The following RYR2 variants were observed in gnomAD, a reference collection of about 807,000 sequenced individuals.
RYR2 encodes ryanodine receptor 2.
A neutral mutation model predicts 601.1 loss-of-function variants in RYR2; 227 were observed. That is an observed-to-expected ratio of 0.38 (90% CI 0.34 to 0.42). The LOEUF is 0.42. Ranked by LOEUF, RYR2 falls within the 10% of genes least tolerant of loss-of-function variation. The pLI is 1.00. For synonymous variants in RYR2, 2,223 were observed against 2,175.1 expected, an observed-to-expected ratio of 1.02 and a Z score of -0.61; for missense variants, 4,646 against 6,156.5, an observed-to-expected ratio of 0.75 and a Z score of 8.21.
rs547638924 is a variant in RYR2, at chr1:237,224,851, C to G, written c.49-45646C>G. The stretch of plus-strand genomic sequence containing the variant: ...CTCCAGTCTGGGTGACAGAGCAAGA[C>G]TTTGTCATTTACAAAAAAAATTATA... On this transcript the variant is annotated intron_variant, in intron 1 of 104. Coordinates refer to ENST00000366574, the MANE Select transcript of RYR2 (RefSeq NM_001035.3). Among the ~76,000 whole-genome samples, 8 of 152,182 alleles carry G rather than the reference C, an allele frequency of 5.3e-5. No homozygotes were observed. The South Asian group carries it at 1.7e-3, about 32-fold the overall frequency.
chr1:237,767,045 TTTAA>T (rs59444034), intron 84 of RYR2, among the ~76,000 whole-genome samples: 94,488 of 151,366 alleles, frequency 0.62, 29,859 homozygotes, highest in Non-Finnish European at 0.65. Flanking sequence ...TCAAAGCACT[TTTAA>T]TTGTTTGATC....
chr1:237,420,368 C>T (rs1041700579), intron 11 of RYR2, among the ~76,000 whole-genome samples: 2 of 152,158 alleles, frequency 1.3e-5, no homozygotes, highest in Non-Finnish European at 2.9e-5. Flanking sequence ...TAAAGAAGTA[C>T]TCACTATTCC....
intron 1 of RYR2, among the ~76,000 whole-genome samples, chr1:237,087,844 T>G (rs1227797966): frequency 6.6e-6 from 1 of 152,180 alleles, no homozygotes; most frequent in Non-Finnish European, 1.5e-5. Context: ...TTGTGTGATT[T>G]TCATCTCAGA....
chr1:237,626,565 T>A (rs1679676030), intron 40 of RYR2, among the ~76,000 whole-genome samples: 1 of 143,582 alleles, frequency 7.0e-6, no homozygotes, highest in African/African-American at 2.6e-5. Flanking sequence ...TTCTTTTCTT[T>A]TTCTTTTTCT....
chr1:237,497,757 A>C (rs989039640), intron 20 of RYR2, among the ~76,000 whole-genome samples: 1 of 152,218 alleles, frequency 6.6e-6, no homozygotes, highest in African/African-American at 2.4e-5. Context: ...AAAGCATTCC[A>C]TGTAGTTGTA....
chr1:237,272,562 T>C (rs1402522996), intron 2 of RYR2, among the ~76,000 whole-genome samples: 3 of 148,714 alleles, frequency 2.0e-5, no homozygotes, highest in East Asian at 1.9e-4. Flanking sequence ...GTATAATTTA[T>C]ATATATTAGT....
At chr1:237,220,186 G>A (rs950415859) in intron 1 of RYR2, among the ~76,000 whole-genome samples, 1 of 152,204 alleles carries the variant, frequency 6.6e-6, no homozygotes, top group African/African-American at 2.4e-5. Context: ...GACTCTCAAT[G>A]TGCATGGTGG....
chr1:237,639,596 G>A (rs1573276280), intron 46 of RYR2, among the ~76,000 whole-genome samples: 1 of 152,074 alleles, frequency 6.6e-6, no homozygotes, highest in African/African-American at 2.4e-5. Flanking sequence ...AATGAAAGGG[G>A]GACTTGACTA....
chr1:237,283,844 A>G (rs2149391191), intron 2 of RYR2, among the ~76,000 whole-genome samples: 2 of 152,236 alleles, frequency 1.3e-5, no homozygotes, highest in Middle Eastern at 6.8e-3. Flanking sequence ...TACAGGTGGT[A>G]TTTGGTTACA....
chr1:237,755,012 G>A (rs1014756999), intron 80 of RYR2: 31 of 1,096,598 alleles, frequency 2.8e-5, no homozygotes, highest in Middle Eastern at 2.3e-4. Context: ...CCACAGGAGC[G>A]CTAACTATAG....
intron 1 of RYR2, among the ~76,000 whole-genome samples, chr1:237,061,815 A>G (rs781642537): frequency 9.4e-5 from 14 of 148,926 alleles, no homozygotes; most frequent in Non-Finnish European, 1.9e-4. Context: ...TTTTTTTTGT[A>G]TCTTCTTTGC....
intron 27 of RYR2, among the ~76,000 whole-genome samples, chr1:237,565,734 A>G (rs2148243977): frequency 6.6e-6 from 1 of 152,184 alleles, no homozygotes; most frequent in East Asian, 1.9e-4. Flanking sequence ...CTTCTTTGAG[A>G]TATCAATTCA....
chr1:237,817,731 G>A (rs940835190), intron 100 of RYR2, among the ~76,000 whole-genome samples: 1 of 152,226 alleles, frequency 6.6e-6, no homozygotes, highest in African/African-American at 2.4e-5. Flanking sequence ...GCTACAGGGA[G>A]ATGAGGAAGA....
intron 90 of RYR2, 70 bp downstream of exon 90, chr1:237,785,042 C>A: frequency 1.8e-6 from 2 of 1,141,530 alleles, no homozygotes; most frequent in Non-Finnish European, 2.5e-6. Context: ...GATCATTAGA[C>A]CAGGTTTCAT....
intron 1 of RYR2, among the ~76,000 whole-genome samples, chr1:237,163,265 C>A (rs1201488374): frequency 6.6e-6 from 1 of 152,060 alleles, no homozygotes; most frequent in Non-Finnish European, 1.5e-5. Context: ...AAGGAACATG[C>A]CATACCACAT....
chr1:237,178,096 T>C (rs1678260216), intron 1 of RYR2, among the ~76,000 whole-genome samples: 1 of 152,180 alleles, frequency 6.6e-6, no homozygotes, highest in African/African-American at 2.4e-5. Context: ...AATAAAATCT[T>C]GGGGTTTTAA....
chr1:237,784,728 A>G lies in RYR2; in HGVS notation c.13016A>G (p.Gln4339Arg), dbSNP rs1695409252. Residue 4339 changes from glutamine to arginine, a missense_variant, in exon 90 of 105, where the codon CAG becomes CGG. Gln to Arg is a conservative substitution (Grantham distance 43, BLOSUM62 1). Around this residue, in one of 17 missense-constraint regions of RYR2, gnomAD observed 364 missense variants for 442.9 expected, o/e 0.82. Transcript: ENST00000366574. The surrounding 1 kb of genome is among the most constrained non-coding windows in gnomAD (Gnocchi z 7.1). ...ELLANMPDPT[Q>R]DEVRGDGEEG... is the part of the protein sequence containing the mutation. ...TTAGCCAACATGCCAGACCCCACTC[A>G]GGATGAGGTTAGAGGAGATGGGGAG... The G allele has an allele frequency of 6.2e-7, 1 of 1,604,918 alleles. No individual in the cohort carries two copies. The highest frequency in any genetic ancestry group is 8.5e-7 in the Non-Finnish European group (1 of 1,174,674).
At chr1:237,110,576 C>T (rs1669359278) in intron 1 of RYR2, among the ~76,000 whole-genome samples, 1 of 152,090 alleles carries the variant, frequency 6.6e-6, no homozygotes, top group Admixed American at 6.6e-5. Context: ...TCATCCACGT[C>T]CCTAAGTTCC....
intron 73 of RYR2, among the ~76,000 whole-genome samples, chr1:237,721,320 A>G (rs942454992): frequency 2.0e-5 from 3 of 152,164 alleles, no homozygotes; most frequent in Non-Finnish European, 4.4e-5. Flanking sequence ...TTTACAAATC[A>G]TTTATCCCTA....
Sources: gnomAD v4.1 joint callset for allele counts (sites outside exome capture counted in the v4.1 genomes callset) on GRCh38, gnomAD v4.1.1 for gene constraint, gnomAD v4.1.1 regional missense constraint, Gnocchi (gnomAD v3.1) non-coding constraint, MANE v1.5 for transcripts, NCBI Gene and HGNC (gene_info 2026-07-23, HGNC 2026-07-21) for gene names.